Variants in SNX25 observed in about 807,000 individuals in gnomAD.
SNX25 encodes sorting nexin-25.
Under a neutral mutation model 113.7 loss-of-function variants are expected in SNX25, and 62 were observed. The ratio of observed to expected loss-of-function variants is 0.55; its 90% CI spans 0.44 to 0.67. The LOEUF is 0.67. SNX25 is among the 30% of genes least tolerant of loss of function. The probability of loss-of-function intolerance (pLI) is 0.00; values close to 1 mark genes in which losing one functional copy is unlikely to be tolerated. For missense variants in SNX25, 1,014 were observed against 1,161.0 expected (o/e 0.87, Z 1.84); for synonymous variants, 421 against 436.2 (o/e 0.97, Z 0.43).
Position 185,362,613 on chromosome 4 carries a change from A to G in SNX25, c.2836A>G (p.Met946Val), listed in dbSNP as rs1371130022. 1 of 1,613,870 alleles carries G rather than the reference A, an allele frequency of 6.2e-7. No homozygotes were observed. The highest frequency in any genetic ancestry group is 1.1e-5 in the South Asian group (1 of 91,026). Residue 946 changes from methionine (M) to valine (V), a missense_variant and splice_region_variant, in exon 18 of 19, where the codon ATG becomes GTG. By Grantham distance (21) the Met-to-Val change is conservative. Coordinates refer to ENST00000652585, the MANE Select transcript of SNX25 (RefSeq NM_001378034.2). ...QQKLLENIPDMLQSLVGQQNA... is the reference protein window; with the variant it reads ...QQKLLENIPDVLQSLVGQQNA... ...AGAATCTACACTTAATTTTTCAGATATGCTTCAGAGCCTTGTTGGACAGCA... is the reference window on the plus strand; with the variant it reads ...AGAATCTACACTTAATTTTTCAGATGTGCTTCAGAGCCTTGTTGGACAGCA...
chr4:185,306,270 A>G lies in SNX25; in HGVS notation c.1163-4365A>G, dbSNP rs184335107. ...TTAGTCATTTAGCTCTGAATGTGGC[A>G]TTCGCTTTCTGAGGCAAAAATAAAC... On this transcript the variant is annotated intron_variant, in intron 6 of 18. Coordinates refer to ENST00000652585, the MANE Select transcript of SNX25 (RefSeq NM_001378034.2). 3.1e-3 allele frequency among the ~76,000 whole-genome samples: 478 copies of G among 152,394 alleles called. 1 individual carries two copies. The highest frequency in any genetic ancestry group is 0.011 in the African/African-American group (455 of 41,604).
At chr4:185,261,412 A>G (rs549397233) in intron 3 of SNX25, among the ~76,000 whole-genome samples, 8 of 152,136 alleles carry the variant, frequency 5.3e-5, no homozygotes, top group Admixed American at 4.6e-4. Context: ...CCTGACCTCA[A>G]GTGATCCACC....
chr4:185,270,512 A>G (rs1748772571), intron 5 of SNX25, among the ~76,000 whole-genome samples: 1 of 152,230 alleles, frequency 6.6e-6, no homozygotes, highest in Non-Finnish European at 1.5e-5. Flanking sequence ...AAACTGAAGA[A>G]TACCTTTTGA....
rs77486790 is a variant in SNX25 at position 185,305,693 on chromosome 4, A to G, written c.1163-4942A>G. On this transcript the variant is annotated intron_variant, in intron 6 of 18. Coordinates refer to ENST00000652585, the MANE Select transcript of SNX25 (RefSeq NM_001378034.2). ...CTTTGTAGCCAAAAGGGTTTACCTA[A>G]TGTCTAATATAAATGTCTTTTTCAC... Among the ~76,000 whole-genome samples the G allele has an allele frequency of 3.6e-3, 549 of 152,322 alleles. 2 individuals are homozygous for G. The highest frequency in any genetic ancestry group is 0.01 in the Middle Eastern group (3 of 294).
intron 5 of SNX25, among the ~76,000 whole-genome samples, chr4:185,280,015 T>C (rs1394797433): frequency 6.6e-6 from 1 of 152,004 alleles, no homozygotes; most frequent in Non-Finnish European, 1.5e-5. Context: ...TGACCTCCCA[T>C]GCTCCGTCAA....
intron 17 of SNX25, 197 bp from the exon 18 acceptor site, chr4:185,362,414 T>G: frequency 1.1e-6 from 1 of 923,646 alleles, no homozygotes; most frequent in Non-Finnish European, 1.3e-6. Context: ...TTGAAAAATA[T>G]TAAAATTGTA....
At chr4:185,332,840 C>T in intron 10 of SNX25, 81 bp downstream of exon 10, 1 of 1,375,410 alleles carries the variant, frequency 7.3e-7, no homozygotes, top group Non-Finnish European at 9.9e-7. Flanking sequence ...TGAGAAGTGT[C>T]AGTTTCTTTT....
At position 185,226,452 on chromosome 4, in the gene SNX25, TTTG is replaced by T. The variant is rs148717465; in HGVS notation, c.429+16206_429+16208del. Among the ~76,000 whole-genome samples the T allele has an allele frequency of 3.7e-3, 560 of 152,094 alleles. 11 individuals are homozygous for T. The East Asian group carries it at 0.08, about 22-fold the overall frequency. On this transcript the variant is annotated intron_variant, in intron 1 of 18. Coordinates refer to ENST00000652585, the MANE Select transcript of SNX25 (RefSeq NM_001378034.2). ...ACATAAGTCTGAAAAAACTAAATTT[TTTG>T]TTGTTGTTTGTTTGAGACAGGGTCT... is the stretch of plus-strand genomic sequence containing the variant.
chr4:185,315,509 G>A (rs2126674448), intron 7 of SNX25, among the ~76,000 whole-genome samples: 1 of 152,106 alleles, frequency 6.6e-6, no homozygotes, highest in East Asian at 2.0e-4. Flanking sequence ...GGCCAGGCTG[G>A]TCTCAACCTG....
At chr4:185,354,282 A>G (rs1579910501) in intron 15 of SNX25, among the ~76,000 whole-genome samples, 1 of 152,312 alleles carries the variant, frequency 6.6e-6, no homozygotes, top group East Asian at 1.9e-4. Flanking sequence ...CCTGTTGTTA[A>G]AGGTGAGTGT....
At chr4:185,347,659 C>T (rs1031724932) in intron 13 of SNX25, among the ~76,000 whole-genome samples, 14 of 151,952 alleles carry the variant, frequency 9.2e-5, no homozygotes, top group Admixed American at 5.9e-4. Flanking sequence ...TTAGTAGAGA[C>T]GGGGTTTCTC....
chr4:185,339,267 A>T, intron 10 of SNX25, 112 bp from the exon 11 acceptor site: 1 of 939,870 alleles, frequency 1.1e-6, no homozygotes, highest in Non-Finnish European at 1.6e-6. Flanking sequence ...ATTCACTGTT[A>T]GTGTATCGAA....
intron 10 of SNX25, among the ~76,000 whole-genome samples, chr4:185,338,649 A>G (rs2095244858): frequency 6.6e-6 from 1 of 152,032 alleles, no homozygotes; most frequent in African/African-American, 2.4e-5. Context: ...ATCTACTTTA[A>G]TTGTTATATA....
At chr4:185,374,407 T>C, downstream of SNX25, 1 of 1,614,184 alleles carries the variant, frequency 6.2e-7, no homozygotes, top group Non-Finnish European at 8.5e-7. Flanking sequence ...TTTAAGTGTC[T>C]TGCTTTGGGA....
intron 13 of SNX25, among the ~76,000 whole-genome samples, 176 bp downstream of exon 13, chr4:185,346,826 G>A (rs189432535): frequency 2.2e-4 from 34 of 151,992 alleles, no homozygotes; most frequent in Admixed American, 2.0e-3. Context: ...AAAAATACAC[G>A]TAAGTGTATA....
rs183320435 is a variant in SNX25, at chr4:185,231,056, G to T, written c.430-16238G>T. ...CTCTCTACTTAGTGGAATGGCTGTC[G>T]CACAAAGGCCTGTCTTAATAACATG... On this transcript the variant is annotated intron_variant, in intron 1 of 18. Coordinates refer to ENST00000652585, the MANE Select transcript of SNX25 (RefSeq NM_001378034.2). 2.6e-4 allele frequency among the ~76,000 whole-genome samples: 40 copies of T among 151,094 alleles called. 1 individual carries two copies. The East Asian group carries it at 3.9e-3, about 15-fold the overall frequency.
chr4:185,358,533 C>T (rs1042722002), intron 16 of SNX25, among the ~76,000 whole-genome samples: 3 of 152,060 alleles, frequency 2.0e-5, no homozygotes, highest in Non-Finnish European at 4.4e-5. Context: ...TTATTTAGAT[C>T]GGTTTAGGCC....
At position 185,221,238 on chromosome 4, in the gene SNX25, G is replaced by C. The variant is rs771581365; in HGVS notation, c.429+10983G>C. On this transcript the variant is annotated intron_variant, in intron 1 of 18. Coordinates refer to ENST00000652585, the MANE Select transcript of SNX25 (RefSeq NM_001378034.2). ...TGTAGAGACAGGGTTTCACCATGTT[G>C]CCCAGCCTGGTCTTGAACTCCTGAG... is the stretch of plus-strand genomic sequence containing the variant. Among the ~76,000 whole-genome samples, 121 of 152,094 alleles carry C rather than the reference G, an allele frequency of 8.0e-4. 1 individual carries two copies. The highest frequency in any genetic ancestry group is 1.4e-3 in the Non-Finnish European group (94 of 67,984).
At chr4:185,362,761 C>A (rs2095370988) in intron 18 of SNX25, 50 bp downstream of exon 18, 3 of 1,476,598 alleles carry the variant, frequency 2.0e-6, no homozygotes, top group Admixed American at 3.5e-5. Context: ...TTGTCTGTTT[C>A]TTCGTTTGGT....
Sources: gnomAD v4.1 joint callset for allele counts (sites outside exome capture counted in the v4.1 genomes callset) on GRCh38, gnomAD v4.1.1 for gene constraint, MANE v1.5 for transcripts, NCBI Gene and HGNC (gene_info 2026-07-23, HGNC 2026-07-21) for gene names.